Variants in DLG1 observed in about 807,000 individuals in gnomAD.
The protein encoded by DLG1 is disks large homolog 1.
Under a neutral mutation model 123.4 loss-of-function variants are expected in DLG1, and 42 were observed. The ratio of observed to expected loss-of-function variants is 0.34; its 90% CI spans 0.27 to 0.44. The LOEUF (loss-of-function observed/expected upper bound fraction) is 0.44. Among genes scored for constraint, DLG1 ranks in the 20% least tolerant of loss-of-function variants. The pLI is 1.00. For synonymous variants in DLG1, 317 were observed against 356.2 expected (o/e 0.89, Z 1.24); for missense variants, 942 against 1,082.6 (o/e 0.87, Z 1.82).
rs558289078 is a variant in DLG1, at chr3:197,068,313, C to T, written c.2047+906G>A. The stretch of plus-strand genomic sequence containing the variant: ...TACCTCTTTTTAGCCTAGAAAGCCA[C>T]TCAACTACCCTATAGTGGGTTCTGG... On this transcript the variant is annotated intron_variant, in intron 19 of 24. Transcript: ENST00000667157. Among the ~76,000 whole-genome samples the T allele has an allele frequency of 7.3e-4, 111 of 152,142 alleles. 1 individual carries two copies. The highest frequency in any genetic ancestry group is 2.6e-3 in the African/African-American group (109 of 41,526).
At chr3:197,179,520 G>A (rs1458759038) in intron 5 of DLG1, among the ~76,000 whole-genome samples, 4 of 152,154 alleles carry the variant, frequency 2.6e-5, no homozygotes, top group African/African-American at 9.7e-5. Flanking sequence ...CTGAATGTTT[G>A]AATGTACTGC....
intron 19 of DLG1, among the ~76,000 whole-genome samples, 182 bp from the exon 20 acceptor site, chr3:197,066,936 A>G (rs1024785339): frequency 6.6e-6 from 1 of 152,166 alleles, no homozygotes; most frequent in Non-Finnish European, 1.5e-5. Flanking sequence ...CTTAAAAGTG[A>G]GTTTGCTAAA....
chr3:197,263,574 G>A (rs767600487), intron 4 of DLG1, among the ~76,000 whole-genome samples: 18 of 152,186 alleles, frequency 1.2e-4, no homozygotes, highest in Non-Finnish European at 1.8e-4. Context: ...ATCACTTGAG[G>A]TCCGGAGTTC....
At chr3:197,288,380 A>G (rs113979760) in intron 3 of DLG1, among the ~76,000 whole-genome samples, 16,323 of 146,408 alleles carry the variant, frequency 0.11, 1,052 homozygotes, top group Non-Finnish European at 0.14. Context: ...AAAAAAAAAA[A>G]AAGAAAAGAA....
rs200616174 is a variant in DLG1 at position 197,081,100 on chromosome 3, C to T, written c.1856G>A (p.Arg619Gln). The T allele has an allele frequency of 1.3e-4, 205 of 1,612,826 alleles. No homozygotes were observed. The highest frequency in any genetic ancestry group is 2.2e-4 in the Admixed American group (13 of 59,936). Residue 619 changes from arginine to glutamine, a missense_variant, in exon 17 of 25, where the codon CGA becomes CAA. Transcript: ENST00000667157. The part of the protein sequence containing the change: ...PSKRRVEKKE[R>Q]ARLKTVKFNS... ...GAATTTCACTGTTTTTAATCGGGCTCGTTCTTTCTTCTCAACTCTGTCAAA... is the reference window on the plus strand; with the variant it reads ...GAATTTCACTGTTTTTAATCGGGCTTGTTCTTTCTTCTCAACTCTGTCAAA...
chr3:197,058,032 G>A (rs999061301), intron 23 of DLG1, among the ~76,000 whole-genome samples: 4 of 151,270 alleles, frequency 2.6e-5, no homozygotes, highest in African/African-American at 9.7e-5. Context: ...AGGCTGGAGT[G>A]CAGTGGCAAG....
At chr3:197,070,300 G>A (rs1389252732) in intron 18 of DLG1, 1 of 150,428 alleles carries the variant, frequency 6.6e-6, no homozygotes, top group Admixed American at 6.6e-5. Context: ...TGGGAGTGAG[G>A]TGGTATGACT....
chr3:197,282,748 C>T lies in DLG1; in HGVS notation c.249G>A (p.Glu83=). ...SEPIQPVNTW[E]ISSLPSSTVT... is the part of the protein sequence containing the mutation. The stretch of plus-strand genomic sequence containing the variant: ...CAGTAGAGCTTGGAAGGCTGGAAAT[C>T]TCCCAAGTATTCACAGGTTGAATTG... The change falls in exon 4 of 25, where the codon GAG becomes GAA. Residue 83 remains glutamate, a synonymous_variant. Coordinates refer to ENST00000667157, the MANE Select transcript of DLG1 (RefSeq NM_001366207.1). The T allele has an allele frequency of 6.2e-7, 1 of 1,612,556 alleles. No homozygotes were observed.
intron 12 of DLG1, 86 bp from the exon 13 acceptor site, chr3:197,116,169 T>G: frequency 1.9e-6 from 2 of 1,055,548 alleles, no homozygotes; most frequent in Non-Finnish European, 2.7e-6. Context: ...TGATAATTTT[T>G]ATGTTATCAA....
chr3:197,227,432 G>A (rs1259894467), intron 4 of DLG1, among the ~76,000 whole-genome samples: 2 of 151,572 alleles, frequency 1.3e-5, no homozygotes, highest in Admixed American at 6.6e-5. Context: ...CCGAGATTGC[G>A]CCACTGCACT....
At chr3:197,130,489 T>A (rs759107229) in intron 11 of DLG1, 38 bp downstream of exon 11, 3 of 1,513,210 alleles carry the variant, frequency 2.0e-6, no homozygotes, top group East Asian at 2.4e-5. Context: ...ACTGAAGAAG[T>A]AAGATAAATT....
chr3:197,245,902 G>C (rs1431699799), intron 4 of DLG1, among the ~76,000 whole-genome samples: 4 of 136,664 alleles, frequency 2.9e-5, no homozygotes, highest in Non-Finnish European at 6.3e-5. Flanking sequence ...TTTTTTTTTG[G>C]GGGGGGGGGA....
chr3:197,288,239 C>T (rs1388589078), intron 3 of DLG1, among the ~76,000 whole-genome samples: 2 of 151,576 alleles, frequency 1.3e-5, no homozygotes, highest in Non-Finnish European at 2.9e-5. Flanking sequence ...TGGCGCACGC[C>T]TGTAATCCCA....
intron 4 of DLG1, among the ~76,000 whole-genome samples, chr3:197,238,235 G>C (rs917830582): frequency 1.3e-5 from 2 of 152,076 alleles, no homozygotes; most frequent in Non-Finnish European, 2.9e-5. Context: ...AAAAAATGTC[G>C]AAGTTTCCCT....
chr3:197,065,239 A>G (rs2148879696), intron 22 of DLG1, 37 bp downstream of exon 22: 1 of 1,558,680 alleles, frequency 6.4e-7, no homozygotes, highest in Non-Finnish European at 8.6e-7. Flanking sequence ...GGCATATCTG[A>G]TTAGAAGCTA....
intron 5 of DLG1, among the ~76,000 whole-genome samples, chr3:197,181,397 T>A (rs751972595): frequency 7.9e-5 from 12 of 152,200 alleles, no homozygotes; most frequent in Non-Finnish European, 1.3e-4. Context: ...CAAAACACTA[T>A]GACCTTATTA....
chr3:197,164,319 C>A (rs769607524), intron 5 of DLG1, among the ~76,000 whole-genome samples: 45 of 151,968 alleles, frequency 3.0e-4, no homozygotes, highest in Non-Finnish European at 5.9e-4. Flanking sequence ...ATTGCTAGAG[C>A]CTGGAAGGTG....
intron 19 of DLG1, among the ~76,000 whole-genome samples, chr3:197,067,169 C>T (rs1227486530): frequency 6.6e-6 from 1 of 151,796 alleles, no homozygotes; most frequent in East Asian, 1.9e-4. Context: ...TTTTGTTCCA[C>T]CAACTACAAT....
At chr3:197,256,950 C>A (rs975248271) in intron 4 of DLG1, among the ~76,000 whole-genome samples, 3 of 150,436 alleles carry the variant, frequency 2.0e-5, no homozygotes, top group Non-Finnish European at 3.0e-5. Context: ...TATACTTCAA[C>A]ACAGTAATAT....
Sources: allele counts gnomAD v4.1 joint callset (sites outside exome capture counted in the v4.1 genomes callset), GRCh38; gene constraint gnomAD v4.1.1; transcripts MANE v1.5; gene names NCBI Gene and HGNC (gene_info 2026-07-23, HGNC 2026-07-21).